The following P3H4 variants were observed in gnomAD, a reference collection of about 807,000 sequenced individuals.
P3H4 encodes the protein endoplasmic reticulum protein SC65.
P3H4 carries 47 observed loss-of-function variants against 52.9 expected under a neutral mutation model. The ratio of observed to expected loss-of-function variants is 0.89; its 90% confidence interval spans 0.70 to 1.13. The LOEUF (loss-of-function observed/expected upper bound fraction) is 1.13, where lower values mean the gene tolerates loss of function less well. P3H4 is among the 50% of genes most tolerant of loss of function. The probability of loss-of-function intolerance (pLI) is 0.00; values close to 1 mark genes in which losing one functional copy is unlikely to be tolerated. For missense variants in P3H4, 585 were observed against 611.0 expected (o/e 0.96, Z 0.45); for synonymous variants, 256 against 267.9 (o/e 0.96, Z 0.44).
chr17:41,810,988 C>T lies in P3H4; in HGVS notation c.662G>A (p.Arg221His), dbSNP rs375223765. The T allele has an allele frequency of 5.6e-6, 9 of 1,614,172 alleles. No individual in the cohort carries two copies. Among genetic ancestry groups the T allele is most frequent in the South Asian group, 2.2e-5 (2 of 91,080 alleles). ...AVKLYNSGDF[R>H]SSTEDMERAL... ...CCGCTCCATGTCCTCCGTGCTGCTGCGGAAATCCCCGCTGTTGTAGAGCTT... is the reference window on the plus strand; with the variant it reads ...CCGCTCCATGTCCTCCGTGCTGCTGTGGAAATCCCCGCTGTTGTAGAGCTT... Residue 221 changes from arginine (R) to histidine (H), a missense_variant, in exon 3 of 8, where the codon CGC (arginine) becomes CAC (histidine). Physicochemically the swap from Arg to His is conservative, Grantham distance 29. Transcript: ENST00000393928.
At chr17:41,805,123 A>C (rs2047660016) in intron 6 of P3H4, among the ~76,000 whole-genome samples, 1 of 151,244 alleles carries the variant, frequency 6.6e-6, no homozygotes, top group African/African-American at 2.4e-5. Flanking sequence ...ATCTCTACTA[A>C]ATATACAAAA....
chr17:41,803,465 G>T, intron 6 of P3H4, 34 bp from the exon 7 acceptor site: 2 of 1,607,474 alleles, frequency 1.2e-6, no homozygotes, highest in Non-Finnish European at 1.7e-6. Flanking sequence ...GAGAAACCGG[G>T]TCACAGTACG....
At chr17:41,809,630 C>G (rs1221056194) in intron 4 of P3H4, 76 bp downstream of exon 4, 11 of 1,520,042 alleles carry the variant, frequency 7.2e-6, no homozygotes, top group Admixed American at 1.8e-5. Context: ...CTCCCCACAA[C>G]TCTGGGAGGC....
intron 6 of P3H4, 114 bp from the exon 7 acceptor site, chr17:41,803,545 CT>C: frequency 1.1e-6 from 1 of 892,866 alleles, no homozygotes. Flanking sequence ...CCCAAAGCCC[CT>C]CCCCCTCCCC....
At chr17:41,809,593 C>T in intron 4 of P3H4, 113 bp downstream of exon 4, 1 of 1,299,132 alleles carries the variant, frequency 7.7e-7, no homozygotes, top group East Asian at 2.4e-5. Context: ...CCTCCTATCA[C>T]CCAGGGTCCT....
At chr17:41,806,230 AT>A (rs1215801454) in intron 6 of P3H4, among the ~76,000 whole-genome samples, 32 of 152,036 alleles carry the variant, frequency 2.1e-4, no homozygotes, top group African/African-American at 7.2e-4. Flanking sequence ...AAAAAAAAAA[AT>A]AAATAAATAA....
chr17:41,805,104 T>G (rs2047659891), intron 6 of P3H4, among the ~76,000 whole-genome samples: 3 of 151,548 alleles, frequency 2.0e-5, no homozygotes, highest in Admixed American at 2.0e-4. Context: ...GGTAACATAG[T>G]GAAACCCCAT....
rs1567846944 is a variant in P3H4, at chr17:41,803,374, C to CAGATAGGGCATCAGATAG, written c.1203_1204insCTATCTGATGCCCTATCT (p.Ala401_Glu402insLeuSerAspAlaLeuSer). ...TCGTAGTCACCCTCCCCCTCAAACT[C>CAGATAGGGCATCAGATAG]GGCGTCAGATAGGGCATCCTCAGGC... is the stretch of plus-strand genomic sequence containing the variant. On this transcript the variant is annotated inframe_insertion, in exon 7 of 8. Coordinates refer to ENST00000393928, the MANE Select transcript of P3H4 (RefSeq NM_006455.3). 5 of 1,613,946 alleles carry CAGATAGGGCATCAGATAG rather than the reference C, an allele frequency of 3.1e-6. No individual in the cohort carries two copies. The highest frequency in any genetic ancestry group is 1.6e-4 in the Middle Eastern group (1 of 6,062).
At chr17:41,809,625 C>T in intron 4 of P3H4, 81 bp downstream of exon 4, 1 of 1,508,362 alleles carries the variant, frequency 6.6e-7, no homozygotes, top group African/African-American at 1.4e-5. Context: ...GAAAGCTCCC[C>T]ACAACTCTGG....
At chr17:41,806,127 G>T (rs1194425169) in intron 6 of P3H4, among the ~76,000 whole-genome samples, 1 of 151,992 alleles carries the variant, frequency 6.6e-6, no homozygotes, top group African/African-American at 2.4e-5. Context: ...GCTGAGGCAG[G>T]AGCATCGTGT....
At chr17:41,809,679 C>G in intron 4 of P3H4, 27 bp downstream of exon 4, 1 of 1,609,374 alleles carries the variant, frequency 6.2e-7, no homozygotes, top group Non-Finnish European at 8.5e-7. Context: ...CGTCCCCTGC[C>G]CAAGCCAGCC....
In P3H4 at chr17:41,806,811, C is replaced by A; in HGVS notation, c.1131G>T (p.Leu377=). The A allele has an allele frequency of 6.2e-7, 1 of 1,613,690 alleles. No individual in the cohort carries two copies. Among genetic ancestry groups the A allele is most frequent in the South Asian group, 1.1e-5 (1 of 90,970 alleles). ...RELLEFTHMY[L]QSDDEMELEE... ...AGGCACTCACCTCATCATCTGACTG[C>A]AGGTACATGTGGGTGAACTCCAGCA... The change falls in exon 6 of 8, where the codon CTG becomes CTT. Residue 377 remains leucine (L), a synonymous_variant. Coordinates refer to ENST00000393928, the MANE Select transcript of P3H4 (RefSeq NM_006455.3).
intron 6 of P3H4, among the ~76,000 whole-genome samples, chr17:41,804,849 CTG>C (rs1174500685): frequency 1.3e-5 from 2 of 151,982 alleles, no homozygotes; most frequent in East Asian, 3.9e-4. Flanking sequence ...TGGCGCATGA[CTG>C]TAATCCCAGC....
intron 6 of P3H4, 88 bp downstream of exon 6, chr17:41,806,708 G>A (rs1039476812): frequency 1.8e-6 from 2 of 1,095,496 alleles, no homozygotes; most frequent in Non-Finnish European, 2.7e-6. Context: ...CCAGGGGCTG[G>A]GGCTGAATTC....
At chr17:41,803,220 G>A in intron 7 of P3H4, 67 bp downstream of exon 7, 2 of 1,559,216 alleles carry the variant, frequency 1.3e-6, no homozygotes, top group Non-Finnish European at 8.7e-7. Flanking sequence ...CCCAGCGGGT[G>A]AATGCATCTG....
chr17:41,809,570 A>G, intron 4 of P3H4, 136 bp downstream of exon 4: 2 of 1,038,368 alleles, frequency 1.9e-6, no homozygotes, highest in Middle Eastern at 3.3e-4. Flanking sequence ...TATTCCCACC[A>G]CCCCTAGACT....
Position 41,802,745 on chromosome 17 carries a change from T to G in P3H4, c.*212A>C. The G allele has an allele frequency of 3.8e-6, 2 of 524,678 alleles. No individual in the cohort carries two copies. The highest frequency in any genetic ancestry group is 6.6e-6 in the Non-Finnish European group (2 of 300,756). 32.5% of individuals were successfully genotyped at this position (524,678 alleles called of 1,614,324 possible). Reference sequence around the variant, plus strand: ...TTATGTATTTTAGTAGAGACGGAGGTCTCATCATGTTGGCCAGGCTGGTCT... The same window carrying G: ...TTATGTATTTTAGTAGAGACGGAGGGCTCATCATGTTGGCCAGGCTGGTCT... On this transcript the variant is annotated 3_prime_UTR_variant, in exon 8 of 8. Transcript: ENST00000393928.
chr17:41,810,941 C>T lies in P3H4; in HGVS notation c.709G>A (p.Val237Ile), dbSNP rs782719016. Residue 237 changes from valine to isoleucine, a missense_variant, in exon 3 of 8, where the codon GTC (valine) becomes ATC (isoleucine). Physicochemically the swap from Val to Ile is conservative, Grantham distance 29 (BLOSUM62 3). Coordinates refer to ENST00000393928, the MANE Select transcript of P3H4 (RefSeq NM_006455.3). ...MERALSEYLAVFARCLAGCEG... is the reference protein window; with the variant it reads ...MERALSEYLAIFARCLAGCEG... ...CAGCCGGCCAGGCACCGGGCAAAGACTGCCAGGTACTCTGACAAGGCCCGC... is the reference window on the plus strand; with the variant it reads ...CAGCCGGCCAGGCACCGGGCAAAGATTGCCAGGTACTCTGACAAGGCCCGC... The T allele has an allele frequency of 1.2e-6, 2 of 1,614,228 alleles. No individual in the cohort carries two copies.
At position 41,811,353 on chromosome 17, in the gene P3H4, G is replaced by A; in HGVS notation, c.463-69C>T. The A allele has an allele frequency of 6.2e-7, 1 of 1,606,902 alleles. No individual in the cohort carries two copies. ...GAGCTCGCGGCCCCGAGCGCACGGC[G>A]GGCTTCGTGCCTTGGGTGAAGATAA... On this transcript the variant is annotated intron_variant, in intron 1 of 7. Transcript: ENST00000393928. The surrounding 1 kb of genome is among the most constrained non-coding windows in gnomAD (Gnocchi z 4.8).
Sources: allele counts gnomAD v4.1 joint callset (sites outside exome capture counted in the v4.1 genomes callset), GRCh38; gene constraint gnomAD v4.1.1; non-coding constraint Gnocchi (gnomAD v3.1); transcripts MANE v1.5; gene names NCBI Gene and HGNC (gene_info 2026-07-23, HGNC 2026-07-21).